Variants in KHDRBS2 observed in about 807,000 individuals in gnomAD.
The protein encoded by KHDRBS2 is KH RNA binding domain containing, signal transduction associated 2.
KHDRBS2 carries 26 observed loss-of-function variants against 44.3 expected under a neutral mutation model. The ratio of observed to expected loss-of-function variants is 0.59; its 90% confidence interval spans 0.43 to 0.81. The LOEUF (loss-of-function observed/expected upper bound fraction) is 0.81. KHDRBS2 is among the 40% of genes least tolerant of loss of function. The pLI is 0.00. For synonymous variants in KHDRBS2, 194 were observed against 151.1 expected, an observed-to-expected ratio of 1.28 and a Z score of -2.08; for missense variants, 476 against 433.1, an observed-to-expected ratio of 1.10 and a Z score of -0.88.
At chr6:61,949,193 T>C (rs927457350) in intron 4 of KHDRBS2, among the ~76,000 whole-genome samples, 2 of 152,122 alleles carry the variant, frequency 1.3e-5, no homozygotes, top group African/African-American at 4.8e-5. Context: ...TTAACCTCTT[T>C]TGACTGAATA....
chr6:62,275,250 C>T (rs544423675), intron 1 of KHDRBS2, among the ~76,000 whole-genome samples: 1 of 152,238 alleles, frequency 6.6e-6, no homozygotes. Context: ...ATACTGAAGT[C>T]CATTCCAAAG....
At chr6:61,732,338 T>A (rs1290030567) in intron 7 of KHDRBS2, among the ~76,000 whole-genome samples, 1 of 152,032 alleles carries the variant, frequency 6.6e-6, no homozygotes, top group South Asian at 2.1e-4. Flanking sequence ...ATGTGATATT[T>A]TAGGAAAAAA....
At chr6:61,728,171 G>A (rs1200422360) in intron 7 of KHDRBS2, among the ~76,000 whole-genome samples, 1 of 152,070 alleles carries the variant, frequency 6.6e-6, no homozygotes, top group Non-Finnish European at 1.5e-5. Context: ...ATTATCCTTA[G>A]CAAACTAATG....
the KHDRBS2 span, among the ~76,000 whole-genome samples, chr6:61,582,652 C>A: frequency 6.6e-6 from 1 of 151,296 alleles, no homozygotes; most frequent in Non-Finnish European, 1.5e-5. Flanking sequence ...CATGATCCAA[C>A]AAAGATAAAT....
chr6:61,822,773 C>G (rs1790147128), intron 6 of KHDRBS2, among the ~76,000 whole-genome samples: 1 of 151,928 alleles, frequency 6.6e-6, no homozygotes, highest in African/African-American at 2.4e-5. Context: ...CAGACTCTAT[C>G]TTCATTCTCT....
intron 1 of KHDRBS2, among the ~76,000 whole-genome samples, chr6:62,207,032 T>G (rs1220929945): frequency 6.6e-6 from 1 of 152,096 alleles, no homozygotes; most frequent in Non-Finnish European, 1.5e-5. Context: ...ATGTAATGTA[T>G]GAAAAAAGCA....
chr6:61,811,847 C>T (rs577408946), intron 6 of KHDRBS2, among the ~76,000 whole-genome samples: 18 of 152,136 alleles, frequency 1.2e-4, no homozygotes, highest in East Asian at 7.7e-4. Flanking sequence ...AGTCAGCCCA[C>T]GATAAAATCT....
At chr6:62,121,222 G>A (rs1190798532) in intron 2 of KHDRBS2, among the ~76,000 whole-genome samples, 1 of 152,174 alleles carries the variant, frequency 6.6e-6, no homozygotes, top group South Asian at 2.1e-4. Context: ...AGCCATTATG[G>A]TGGGAAAGGC....
chr6:62,177,784 A>G (rs1585077463), intron 1 of KHDRBS2, among the ~76,000 whole-genome samples: 1 of 151,466 alleles, frequency 6.6e-6, no homozygotes, highest in Non-Finnish European at 1.5e-5. Context: ...TAAAATAGGT[A>G]GTAAAGAGAA....
At chr6:61,550,645 G>T in the KHDRBS2 span, among the ~76,000 whole-genome samples, 1 of 151,720 alleles carries the variant, frequency 6.6e-6, no homozygotes, top group African/African-American at 2.4e-5. Context: ...TTCCATAATG[G>T]CTCAACTAAT....
rs118009032 is a variant in KHDRBS2, at chr6:61,873,805, A to G, written c.810+20830T>C. On this transcript the variant is annotated intron_variant, in intron 6 of 8. Transcript: ENST00000281156. ...AGTCTCTTCTTTTTAAAGTTTAGAA[A>G]GAAATAAACTAAACAAATTAATCAT... Among the ~76,000 whole-genome samples the G allele has an allele frequency of 1.2e-3, 190 of 152,168 alleles. 1 individual carries two copies. The East Asian group carries it at 0.021, about 17-fold the overall frequency.
the KHDRBS2 span, among the ~76,000 whole-genome samples, chr6:61,570,415 A>G: frequency 1.3e-5 from 2 of 151,928 alleles, no homozygotes; most frequent in Non-Finnish European, 2.9e-5. Context: ...GAAATTTTGG[A>G]TTATGTTAAA....
chr6:61,600,165 C>A, the KHDRBS2 span, among the ~76,000 whole-genome samples: 2 of 152,112 alleles, frequency 1.3e-5, no homozygotes, highest in Non-Finnish European at 2.9e-5. Flanking sequence ...CAGGCTAACA[C>A]CTGGGAATAT....
At chr6:62,051,701 C>A (rs1310558644) in intron 2 of KHDRBS2, among the ~76,000 whole-genome samples, 5 of 151,952 alleles carry the variant, frequency 3.3e-5, no homozygotes, top group African/African-American at 9.7e-5. Flanking sequence ...GGAACAACAG[C>A]CTCTGGATTG....
chr6:61,552,678 G>A, the KHDRBS2 span, among the ~76,000 whole-genome samples: 1 of 152,034 alleles, frequency 6.6e-6, no homozygotes, highest in Non-Finnish European at 1.5e-5. Context: ...TTCCTCCAAT[G>A]CCTAGTTTTT....
the KHDRBS2 span, among the ~76,000 whole-genome samples, chr6:61,554,561 G>A: frequency 6.6e-6 from 1 of 151,806 alleles, no homozygotes; most frequent in East Asian, 1.9e-4. Context: ...CATTTTGTTA[G>A]TGGGTTATTA....
the KHDRBS2 span, among the ~76,000 whole-genome samples, chr6:61,657,836 GA>G: frequency 6.6e-6 from 1 of 151,826 alleles, no homozygotes; most frequent in African/African-American, 2.4e-5. Context: ...TTCTTGGAAA[GA>G]AAAAACCTAA....
chr6:61,949,763 C>T (rs1225716761), intron 4 of KHDRBS2, among the ~76,000 whole-genome samples: 2 of 151,708 alleles, frequency 1.3e-5, no homozygotes, highest in Admixed American at 1.3e-4. Flanking sequence ...TAATGCATAT[C>T]AACAGCAATT....
chr6:62,277,172 A>G (rs1359167135), intron 1 of KHDRBS2, among the ~76,000 whole-genome samples: 4 of 152,120 alleles, frequency 2.6e-5, no homozygotes, highest in African/African-American at 4.8e-5. Flanking sequence ...AAAATCTATC[A>G]GACCTTCCAT....
Sources: allele counts gnomAD v4.1 joint callset (sites outside exome capture counted in the v4.1 genomes callset), GRCh38; gene constraint gnomAD v4.1.1; transcripts MANE v1.5; gene names NCBI Gene and HGNC (gene_info 2026-07-23, HGNC 2026-07-21).